EPS15L1: variants seen among roughly 807,000 people sequenced by gnomAD.
The protein encoded by EPS15L1 is epidermal growth factor receptor pathway substrate 15 like 1.
A neutral mutation model predicts 117.1 loss-of-function variants in EPS15L1; 43 were observed. The ratio of observed to expected loss-of-function variants is 0.37; its 90% CI spans 0.29 to 0.47. The LOEUF (loss-of-function observed/expected upper bound fraction) is 0.47. Ranked by LOEUF, EPS15L1 falls within the 20% of genes least tolerant of loss-of-function variation. The pLI, the probability that EPS15L1 is intolerant of heterozygous loss-of-function variation, is 0.99. For missense variants in EPS15L1, 981 were observed against 1,164.0 expected, an observed-to-expected ratio of 0.84 and a Z score of 2.29; for synonymous variants, 459 against 470.5, an observed-to-expected ratio of 0.98 and a Z score of 0.32.
At chr19:16,395,777 CTACTAAAAA>C (rs1053511713) in intron 16 of EPS15L1, among the ~76,000 whole-genome samples, 1 of 152,092 alleles carries the variant, frequency 6.6e-6, no homozygotes, top group African/African-American at 2.4e-5. Flanking sequence ...AAACCTGTCT[CTACTAAAAA>C]TACAAAAAAT....
intron 16 of EPS15L1, among the ~76,000 whole-genome samples, chr19:16,400,363 AAAAAAAAAC>A (rs2092587785): frequency 6.6e-6 from 1 of 151,856 alleles, no homozygotes; most frequent in Admixed American, 6.6e-5. Context: ...AAACAAAAAA[AAAAAAAAAC>A]CCCTGACTTT....
At chr19:16,469,147 G>A (rs1477333379) in intron 1 of EPS15L1, among the ~76,000 whole-genome samples, 1 of 152,188 alleles carries the variant, frequency 6.6e-6, no homozygotes, top group Non-Finnish European at 1.5e-5. Flanking sequence ...AGTCCAGCAG[G>A]CTGGCAGAGG....
rs760777209 is a variant in EPS15L1 at position 16,377,209 on chromosome 19, A to C, written c.2293T>G (p.Phe765Val). ...PFTSSLGGAGFSDDPFKSKQD... is the reference protein window; with the variant it reads ...PFTSSLGGAGVSDDPFKSKQD... ...TTACTTTTAAAGGGGTCATCTGAGA[A>C]TCCTGCCCCTCCCAAGGAGGAGGTG... Residue 765 changes from phenylalanine (F) to valine (V), a missense_variant, in exon 22 of 24, where the codon TTC becomes GTC. Coordinates refer to ENST00000455140, the MANE Select transcript of EPS15L1 (RefSeq NM_001258374.3). The C allele has an allele frequency of 6.2e-7, 1 of 1,612,888 alleles. No homozygotes were observed. The highest frequency in any genetic ancestry group is 1.1e-5 in the South Asian group (1 of 90,890).
At chr19:16,410,731 T>C (rs1029968717) in intron 13 of EPS15L1, among the ~76,000 whole-genome samples, 3 of 151,988 alleles carry the variant, frequency 2.0e-5, no homozygotes, top group African/African-American at 7.3e-5. Context: ...GACAACACAG[T>C]GAGACCTTGT....
chr19:16,400,470 C>T (rs567513084), intron 16 of EPS15L1, among the ~76,000 whole-genome samples: 1 of 152,244 alleles, frequency 6.6e-6, no homozygotes, highest in South Asian at 2.1e-4. Flanking sequence ...AGATGTACCA[C>T]TGTGGATACA....
At chr19:16,454,725 G>A (rs922520240) in intron 1 of EPS15L1, among the ~76,000 whole-genome samples, 1 of 152,250 alleles carries the variant, frequency 6.6e-6, no homozygotes, top group East Asian at 1.9e-4. Flanking sequence ...GAACTGCCCC[G>A]AGCATTTAGA....
chr19:16,429,109 A>G (rs193061510), intron 7 of EPS15L1, among the ~76,000 whole-genome samples: 2 of 151,976 alleles, frequency 1.3e-5, no homozygotes, highest in Non-Finnish European at 2.9e-5. Flanking sequence ...TGCCCTAAAC[A>G]CCCACACTCC....
chr19:16,426,723 G>A (rs1351863967), intron 8 of EPS15L1, among the ~76,000 whole-genome samples: 2 of 152,136 alleles, frequency 1.3e-5, no homozygotes, highest in African/African-American at 4.8e-5. Context: ...TAGATCCCAG[G>A]AAACGAAAGA....
chr19:16,378,247 C>T (rs993002715), intron 21 of EPS15L1, among the ~76,000 whole-genome samples: 1 of 152,022 alleles, frequency 6.6e-6, no homozygotes, highest in Non-Finnish European at 1.5e-5. Context: ...TCCAAGCTCT[C>T]ATTAAGGCAT....
intron 7 of EPS15L1, among the ~76,000 whole-genome samples, chr19:16,432,579 TAAATAAATAAATACAAATAC>T (rs932032569): frequency 1.9e-4 from 27 of 144,138 alleles, no homozygotes; most frequent in African/African-American, 7.0e-4. Context: ...AATAAATAAA[TAAATAAATAAATACAAATAC>T]AAATACAAAT....
At chr19:16,449,163 A>G (rs1422278014) in intron 1 of EPS15L1, among the ~76,000 whole-genome samples, 1 of 151,352 alleles carries the variant, frequency 6.6e-6, no homozygotes, top group Non-Finnish European at 1.5e-5. Flanking sequence ...AGTCCCAGCT[A>G]CTCAGGAAGC....
intron 10 of EPS15L1, among the ~76,000 whole-genome samples, chr19:16,418,482 G>A (rs1050963564): frequency 1.3e-5 from 2 of 152,244 alleles, no homozygotes; most frequent in Non-Finnish European, 1.5e-5. Flanking sequence ...CGTGGAAATG[G>A]GTGCTGAGAC....
At position 16,381,100 on chromosome 19, in the gene EPS15L1, C is replaced by T. The variant is rs1364708480; in HGVS notation, c.2248-3846G>A. On this transcript the variant is annotated intron_variant, in intron 21 of 23. Coordinates refer to ENST00000455140, the MANE Select transcript of EPS15L1 (RefSeq NM_001258374.3). This position sits in a 1 kb window ranked among gnomAD's most constrained non-coding sequence, Gnocchi z 4.2. ...CCAAAGGCTCCTGCACAGATGACCC[C>T]ACCAGATCCCTTCCCTGGGCTTCAC... is the stretch of plus-strand genomic sequence containing the variant. 2.0e-5 allele frequency among the ~76,000 whole-genome samples: 3 copies of T among 152,240 alleles called. No homozygotes were observed. Among genetic ancestry groups the T allele is most frequent in the African/African-American group, 4.8e-5 (2 of 41,472 alleles).
chr19:16,365,478 G>A lies in EPS15L1; in HGVS notation c.2381-3494C>T, dbSNP rs1431734387. On this transcript the variant is annotated intron_variant, in intron 22 of 23. Transcript: ENST00000455140. This position sits in a 1 kb window ranked among gnomAD's most constrained non-coding sequence, Gnocchi z 4.9. ...CTCAGAAGAAACCAACCCCACTGGC[G>A]CCTTGATCTTGGACTTTGAGCCTCT... Among the ~76,000 whole-genome samples the A allele has an allele frequency of 2.0e-5, 3 of 152,176 alleles. No individual in the cohort carries two copies. The highest frequency in any genetic ancestry group is 6.5e-5 in the Admixed American group (1 of 15,280).
chr19:16,393,682 T>TA (rs1197443937), intron 18 of EPS15L1, among the ~76,000 whole-genome samples: 1 of 149,564 alleles, frequency 6.7e-6, no homozygotes, highest in African/African-American at 2.5e-5. Flanking sequence ...AATAAATAAA[T>TA]AAATAAATAA....
In EPS15L1 at chr19:16,383,104, T is replaced by C. The variant is rs2092380469; in HGVS notation, c.2247+2025A>G. The C allele has an allele frequency of 6.6e-6, 1 of 152,196 alleles. No homozygotes were observed. The highest frequency in any genetic ancestry group is 6.5e-5 in the Admixed American group (1 of 15,288). The allele number at this position is 152,196 out of a possible 1,614,324, so 9.4% of individuals were successfully genotyped here. On this transcript the variant is annotated intron_variant, in intron 21 of 23. Transcript: ENST00000455140. This position sits in a 1 kb window ranked among gnomAD's most constrained non-coding sequence, Gnocchi z 5.2. ...CAGGGTTGAGCTCAGAATGCGGCTGTACAAGTGTCATGAAGGCAGCTGATG... is the reference window on the plus strand; with the variant it reads ...CAGGGTTGAGCTCAGAATGCGGCTGCACAAGTGTCATGAAGGCAGCTGATG...
intron 7 of EPS15L1, among the ~76,000 whole-genome samples, chr19:16,432,482 G>A (rs576177448): frequency 2.0e-5 from 3 of 151,806 alleles, no homozygotes; most frequent in South Asian, 2.1e-4. Context: ...GCAGGAGAAC[G>A]GCGTGAACCC....
At chr19:16,451,621 C>T (rs564891061) in intron 1 of EPS15L1, among the ~76,000 whole-genome samples, 11 of 151,576 alleles carry the variant, frequency 7.3e-5, no homozygotes, top group East Asian at 2.0e-4. Flanking sequence ...CTCCACCTCC[C>T]GGGTTCACGC....
rs1330240900 is a variant in EPS15L1 at position 16,370,583 on chromosome 19, G to A, written c.2380+6539C>T. ...CCCCACTGAACACCAGATGATAATCGAGTCACACGACACTCCCTGGATCCG... is the reference window on the plus strand; with the variant it reads ...CCCCACTGAACACCAGATGATAATCAAGTCACACGACACTCCCTGGATCCG... On this transcript the variant is annotated intron_variant, in intron 22 of 23. Transcript: ENST00000455140. This position sits in a 1 kb window ranked among gnomAD's most constrained non-coding sequence, Gnocchi z 5.2. Among the ~76,000 whole-genome samples the A allele has an allele frequency of 6.6e-6, 1 of 152,124 alleles. No individual in the cohort carries two copies. Among genetic ancestry groups the A allele is most frequent in the Non-Finnish European group, 1.5e-5 (1 of 68,026 alleles).
Sources: allele counts gnomAD v4.1 joint callset (sites outside exome capture counted in the v4.1 genomes callset), GRCh38; gene constraint gnomAD v4.1.1; non-coding constraint Gnocchi (gnomAD v3.1); transcripts MANE v1.5; gene names NCBI Gene and HGNC (gene_info 2026-07-23, HGNC 2026-07-21).